The following SWI5 variants were observed in gnomAD, a reference collection of about 807,000 sequenced individuals.
SWI5 encodes the protein DNA repair protein SWI5 homolog.
In SWI5, 12 loss-of-function variants were observed where a neutral mutation model predicts 17.0. The observed-to-expected ratio is 0.71, with a 90% CI of 0.45 to 1.14. The LOEUF (loss-of-function observed/expected upper bound fraction) is 1.14, where lower values mean the gene tolerates loss of function less well. SWI5 is among the 50% of genes most tolerant of loss of function. The probability of loss-of-function intolerance (pLI) is 0.00; values close to 1 mark genes in which losing one functional copy is unlikely to be tolerated. For synonymous variants in SWI5, 61 were observed against 64.0 expected, an observed-to-expected ratio of 0.95 and a Z score of 0.22; for missense variants, 158 against 162.2, an observed-to-expected ratio of 0.97 and a Z score of 0.14.
At chr9:128,277,414 C>T (rs1365247084) in intron 2 of SWI5, among the ~76,000 whole-genome samples, 1 of 152,036 alleles carries the variant, frequency 6.6e-6, no homozygotes, top group Non-Finnish European at 1.5e-5. Context: ...ATCAGCCGAG[C>T]GTGGTGGTGC....
At chr9:128,275,578 G>T, upstream of SWI5, 1 of 1,110,256 alleles carries the variant, frequency 9.0e-7, no homozygotes, top group Non-Finnish European at 1.2e-6. Context: ...AATTGCTGGG[G>T]TCCTAGGTCC....
At chr9:128,276,028 T>G, upstream of SWI5, 1 of 1,591,396 alleles carries the variant, frequency 6.3e-7, no homozygotes, top group Non-Finnish European at 8.6e-7. Context: ...CGCGCAGCTG[T>G]GCGACGGAGC....
At chr9:128,276,319 A>G (rs1831370632) in exon 1 of SWI5, 2 of 1,613,034 alleles carry the variant, frequency 1.2e-6, no homozygotes, top group Non-Finnish European at 1.7e-6. Context: ...TGCACCTGAG[A>G]GGTCGCTCTC....
intron 4 of SWI5, 176 bp downstream of exon 4, chr9:128,286,209 C>A: frequency 1.7e-6 from 1 of 576,446 alleles, no homozygotes. Flanking sequence ...TCCCTGGCCA[C>A]CTAGGTTTGT....
At chr9:128,280,380 C>T (rs1265195875) in intron 2 of SWI5, among the ~76,000 whole-genome samples, 15 of 152,130 alleles carry the variant, frequency 9.9e-5, no homozygotes, top group Admixed American at 8.5e-4. Flanking sequence ...CACACTCAGC[C>T]TCCTAACCAG....
upstream of SWI5, chr9:128,275,624 G>A (rs1305664665): frequency 2.6e-6 from 2 of 760,820 alleles, no homozygotes; most frequent in South Asian, 2.3e-5. Context: ...AGGGAGGTCG[G>A]ACTTCGGGGG....
intron 2 of SWI5, among the ~76,000 whole-genome samples, chr9:128,280,531 CAA>C (rs1588503658): frequency 7.2e-6 from 1 of 139,558 alleles, no homozygotes; most frequent in Non-Finnish European, 1.6e-5. Context: ...AAAAAAAAAA[CAA>C]GAGTCTCGCT....
intron 2 of SWI5, among the ~76,000 whole-genome samples, chr9:128,279,067 G>C (rs1831489537): frequency 6.6e-6 from 1 of 152,138 alleles, no homozygotes; most frequent in African/African-American, 2.4e-5. Context: ...ACCGTGCCTG[G>C]GCTTGAACTG....
chr9:128,288,395 T>C (rs575322924), intron 4 of SWI5, among the ~76,000 whole-genome samples: 1 of 152,324 alleles, frequency 6.6e-6, no homozygotes, highest in African/African-American at 2.4e-5. Context: ...CAAGGAGTCC[T>C]TGTAGGTCCA....
At chr9:128,286,973 G>A (rs988439728) in intron 4 of SWI5, among the ~76,000 whole-genome samples, 3 of 151,784 alleles carry the variant, frequency 2.0e-5, no homozygotes, top group Admixed American at 6.6e-5. Flanking sequence ...TGGAGAAACT[G>A]TCTCTACTAA....
exon 5 of SWI5, chr9:128,288,841 G>A (rs1831690779): frequency 9.1e-7 from 1 of 1,095,748 alleles, no homozygotes; most frequent in African/African-American, 1.5e-5. Context: ...CACTTTTCTA[G>A]AGAGCCCAAG....
chr9:128,276,354 C>T (rs749770444), exon 1 of SWI5: 2 of 1,613,268 alleles, frequency 1.2e-6, no homozygotes, highest in South Asian at 1.1e-5. Flanking sequence ...GACCCTCTTG[C>T]GCCATTGAAC....
upstream of SWI5, chr9:128,276,232 C>A: frequency 6.2e-7 from 1 of 1,612,006 alleles, no homozygotes; most frequent in Non-Finnish European, 8.5e-7. Context: ...GGGAGAGGGG[C>A]GGGGCCGGCT....
chr9:128,284,456 CTGTGAAT>C, intron 2 of SWI5, 47 bp from the exon 3 acceptor site: 2 of 1,591,052 alleles, frequency 1.3e-6, no homozygotes, highest in Non-Finnish European at 1.7e-6. Context: ...GACATGTAGG[CTGTGAAT>C]TGTGGATAAC....
At chr9:128,288,297 A>G (rs929304813) in intron 4 of SWI5, among the ~76,000 whole-genome samples, 1 of 152,206 alleles carries the variant, frequency 6.6e-6, no homozygotes, top group Non-Finnish European at 1.5e-5. Context: ...ATCAGCTTAC[A>G]TTTGAAGCAG....
chr9:128,276,307 G>C (rs1303303790), exon 1 of SWI5: 5 of 1,612,872 alleles, frequency 3.1e-6, no homozygotes, highest in African/African-American at 2.7e-5. Context: ...TTCCTGGCCC[G>C]GTGCACCTGA....
chr9:128,281,537 T>C (rs1831539531), intron 2 of SWI5, among the ~76,000 whole-genome samples: 1 of 152,224 alleles, frequency 6.6e-6, no homozygotes, highest in African/African-American at 2.4e-5. Flanking sequence ...GACTCTCCCA[T>C]AGCACACTGT....
At chr9:128,276,843 A>T (rs1831405613) in intron 2 of SWI5, 88 bp downstream of exon 2, 1 of 1,379,286 alleles carries the variant, frequency 7.3e-7, no homozygotes, top group Non-Finnish European at 1.0e-6. Context: ...AACAGCAGCC[A>T]ATCCCCGCTT....
upstream of SWI5, chr9:128,276,128 G>T (rs1301506797): frequency 6.4e-7 from 1 of 1,564,252 alleles, no homozygotes. Flanking sequence ...GAAATATGAA[G>T]CGGAAGGGGG....
Sources: allele counts gnomAD v4.1 joint callset (sites outside exome capture counted in the v4.1 genomes callset), GRCh38; gene constraint gnomAD v4.1.1; transcripts MANE v1.5; gene names NCBI Gene and HGNC (gene_info 2026-07-23, HGNC 2026-07-21).